SVOP: variants seen among roughly 807,000 people sequenced by gnomAD.
SVOP encodes synaptic vesicle 2-related protein.
SVOP carries 17 observed loss-of-function variants against 69.1 expected under a neutral mutation model. That is an observed-to-expected ratio of 0.25 (90% CI 0.17 to 0.37). The LOEUF is 0.37. SVOP is among the 10% of genes least tolerant of loss of function. The probability of loss-of-function intolerance (pLI) is 1.00; values close to 1 mark genes in which losing one functional copy is unlikely to be tolerated. For synonymous variants in SVOP, 238 were observed against 238.6 expected (o/e 1.00, Z 0.02); for missense variants, 435 against 597.5 (o/e 0.73, Z 2.84).
rs139304964 is a variant in SVOP, at chr12:108,964,755, G to A, written c.454-3708C>T. Among the ~76,000 whole-genome samples the A allele has an allele frequency of 5.1e-3, 777 of 152,168 alleles. 8 individuals are homozygous for A. The highest frequency in any genetic ancestry group is 0.017 in the African/African-American group (705 of 41,542). The stretch of plus-strand genomic sequence containing the variant: ...TTTCATTAACTATGACTGTCATTCC[G>A]TCTAATATCTGTTCTGCCCTCTATA... On this transcript the variant is annotated intron_variant, in intron 5 of 15. Transcript: ENST00000610966.
At chr12:108,988,770 C>CTTTTTTTTTTTT (rs758822738) in intron 1 of SVOP, among the ~76,000 whole-genome samples, 6 of 92,158 alleles carry the variant, frequency 6.5e-5, no homozygotes, top group East Asian at 3.6e-4. Context: ...TCTTTTCTCT[C>CTTTTTTTTTTTT]TTTTTTTTTT....
rs1183870114 is a variant in SVOP, at chr12:108,969,322, T to TC, written c.453+3082dup. 4.4e-4 allele frequency among the ~76,000 whole-genome samples: 63 copies of TC among 143,772 alleles called. 2 individuals are homozygous for TC. Among genetic ancestry groups the TC allele is most frequent in the Admixed American group, 4.3e-3 (61 of 14,230 alleles). The allele number at this position is 143,772 out of a possible 152,430, so 94.3% of individuals were successfully genotyped here. A position where few individuals can be genotyped will look rare whatever the true frequency, so the allele number is the denominator to read the frequency against. On this transcript the variant is annotated intron_variant, in intron 5 of 15. Coordinates refer to ENST00000610966, the MANE Select transcript of SVOP (RefSeq NM_018711.5). ...TCTCCCTACCTCCTTCCTTTCTTCCTCCCCCCTCCCTTCCTACCTCGCTCT... is the reference window on the plus strand; with the variant it reads ...TCTCCCTACCTCCTTCCTTTCTTCCTCCCCCCCTCCCTTCCTACCTCGCTCT...
At chr12:109,004,671 G>A (rs1164811232) in intron 1 of SVOP, among the ~76,000 whole-genome samples, 1 of 151,780 alleles carries the variant, frequency 6.6e-6, no homozygotes, top group Non-Finnish European at 1.5e-5. Context: ...GGGATTACAG[G>A]TGTTAGCCAC....
intron 6 of SVOP, among the ~76,000 whole-genome samples, chr12:108,950,781 A>G (rs1456844591): frequency 6.6e-6 from 1 of 152,118 alleles, no homozygotes; most frequent in African/African-American, 2.4e-5. Context: ...GTTGTGTTCA[A>G]TTTCTTGCTT....
intron 8 of SVOP, among the ~76,000 whole-genome samples, chr12:108,940,436 T>A (rs181827280): frequency 1.2e-3 from 185 of 152,336 alleles, no homozygotes; most frequent in African/African-American, 4.4e-3. Flanking sequence ...TTTATCCCTC[T>A]CTTTTACTCA....
intron 1 of SVOP, among the ~76,000 whole-genome samples, chr12:108,991,228 G>C (rs1270343898): frequency 6.6e-6 from 1 of 152,176 alleles, no homozygotes; most frequent in Non-Finnish European, 1.5e-5. Context: ...CCTTAGGCCT[G>C]GATATCTGGT....
intron 7 of SVOP, among the ~76,000 whole-genome samples, 196 bp downstream of exon 7, chr12:108,944,907 G>C (rs2039913800): frequency 6.6e-6 from 1 of 152,152 alleles, no homozygotes; most frequent in African/African-American, 2.4e-5. Flanking sequence ...GAATGTTTTT[G>C]TCAATTGAAG....
intron 8 of SVOP, 49 bp from the exon 9 acceptor site, chr12:108,939,004 C>G (rs1410890772): frequency 6.8e-6 from 11 of 1,612,786 alleles, no homozygotes; most frequent in South Asian, 3.3e-5. Context: ...TAGGGTGGAA[C>G]AGAGCACTCG....
At chr12:108,981,706 C>T (rs1322744977) in intron 2 of SVOP, among the ~76,000 whole-genome samples, 1 of 152,170 alleles carries the variant, frequency 6.6e-6, no homozygotes, top group East Asian at 1.9e-4. Context: ...CCAATTGGAA[C>T]TGTTGTGAGG....
At chr12:109,018,062 G>A (rs1433536514) in intron 1 of SVOP, among the ~76,000 whole-genome samples, 1 of 151,674 alleles carries the variant, frequency 6.6e-6, no homozygotes, top group African/African-American at 2.4e-5. Context: ...AGAATCCTTT[G>A]TACCTAGGAT....
intron 15 of SVOP, among the ~76,000 whole-genome samples, chr12:108,915,104 C>T (rs539697188): frequency 3.4e-5 from 5 of 145,892 alleles, no homozygotes; most frequent in African/African-American, 7.8e-5. Context: ...ACCTGGGAGG[C>T]GGAGGTCACA....
intron 1 of SVOP, among the ~76,000 whole-genome samples, chr12:108,989,995 T>C (rs2040190730): frequency 1.3e-5 from 2 of 152,172 alleles, no homozygotes; most frequent in Admixed American, 1.3e-4. Context: ...ATTTTATACA[T>C]GAGGAAATGG....
chr12:108,966,139 C>G (rs1164851272), intron 5 of SVOP, among the ~76,000 whole-genome samples: 74 of 152,054 alleles, frequency 4.9e-4, no homozygotes, highest in Non-Finnish European at 1.5e-5. Context: ...TAGCCTGGAC[C>G]ACAGTCACAT....
At chr12:108,916,166 C>T (rs532817392) in intron 14 of SVOP, among the ~76,000 whole-genome samples, 1 of 152,352 alleles carries the variant, frequency 6.6e-6, no homozygotes, top group African/African-American at 2.4e-5. Context: ...GTTCACAACT[C>T]AGGGGTTGCT....
In SVOP at chr12:108,952,720, G is replaced by A. The variant is rs569135558; in HGVS notation, c.579-7554C>T. Among the ~76,000 whole-genome samples the A allele has an allele frequency of 6.6e-5, 10 of 152,250 alleles. 1 individual carries two copies. The highest frequency in any genetic ancestry group is 2.1e-4 in the South Asian group (1 of 4,830). On this transcript the variant is annotated intron_variant, in intron 6 of 15. Coordinates refer to ENST00000610966, the MANE Select transcript of SVOP (RefSeq NM_018711.5). ...AAAAAATTTTAAAAATTAGCTGGGC[G>A]TGGTGGCACACATCTGTACTCCTAG...
intron 1 of SVOP, among the ~76,000 whole-genome samples, chr12:108,986,194 T>C (rs925520851): frequency 3.3e-5 from 5 of 152,220 alleles, no homozygotes; most frequent in African/African-American, 1.2e-4. Flanking sequence ...TCGATCTGCA[T>C]AGCACCACTC....
At chr12:109,017,672 C>T (rs1021487993) in intron 1 of SVOP, among the ~76,000 whole-genome samples, 1 of 152,098 alleles carries the variant, frequency 6.6e-6, no homozygotes, top group Non-Finnish European at 1.5e-5. Context: ...GCCTCAGCCT[C>T]CCAAGTAGCT....
intron 1 of SVOP, 63 bp downstream of exon 1, chr12:109,020,771 T>G: frequency 2.9e-5 from 3 of 102,450 alleles, no homozygotes; most frequent in Non-Finnish European, 1.8e-5. Context: ...CCCACCCCCC[T>G]TGCAGGTTTT....
chr12:109,000,019 C>T (rs1426942151), intron 1 of SVOP, among the ~76,000 whole-genome samples: 1 of 151,100 alleles, frequency 6.6e-6, no homozygotes, highest in Admixed American at 6.6e-5. Context: ...TTAATGAATC[C>T]AGGAGCTGGT....
Sources: allele counts gnomAD v4.1 joint callset (sites outside exome capture counted in the v4.1 genomes callset), GRCh38; gene constraint gnomAD v4.1.1; transcripts MANE v1.5; gene names NCBI Gene and HGNC (gene_info 2026-07-23, HGNC 2026-07-21).